Variants in NDST3 observed in about 807,000 individuals in gnomAD.
NDST3 encodes N-deacetylase and N-sulfotransferase 3.
A neutral mutation model predicts 96.1 loss-of-function variants in NDST3; 58 were observed. That is an observed-to-expected ratio of 0.60 (90% CI 0.49 to 0.75). NDST3 has a LOEUF of 0.75. Ranked by LOEUF, NDST3 falls within the 30% of genes least tolerant of loss-of-function variation. The pLI is 0.00. For synonymous variants in NDST3, 333 were observed against 359.7 expected (o/e 0.93, Z 0.84); for missense variants, 788 against 1,034.2 (o/e 0.76, Z 3.27).
Position 118,084,377 on chromosome 4 carries a change from C to T in NDST3, c.982-20641C>T, listed in dbSNP as rs1479795467. ...TTGATTTTTAAAAAAATAGTATCCA[C>T]GATGTGTTAGGCCCAAGCAACTTAT... On this transcript the variant is annotated intron_variant, in intron 2 of 13. Coordinates refer to ENST00000296499, the MANE Select transcript of NDST3 (RefSeq NM_004784.3). Among the ~76,000 whole-genome samples, 63 of 152,276 alleles carry T rather than the reference C, an allele frequency of 4.1e-4. 1 individual carries two copies. Among genetic ancestry groups the T allele is most frequent in the Admixed American group, 3.7e-3 (57 of 15,302 alleles).
chr4:118,212,262 G>T (rs768950225), intron 6 of NDST3, among the ~76,000 whole-genome samples: 5 of 152,202 alleles, frequency 3.3e-5, no homozygotes, highest in Non-Finnish European at 7.3e-5. Flanking sequence ...GTAGAGAAAG[G>T]CCAGGCCTCA....
intron 6 of NDST3, among the ~76,000 whole-genome samples, chr4:118,224,048 A>G (rs1188445856): frequency 1.3e-5 from 2 of 152,164 alleles, no homozygotes; most frequent in Admixed American, 6.5e-5. Context: ...CATGGATTCA[A>G]TCTAGGTCAG....
intron 6 of NDST3, among the ~76,000 whole-genome samples, chr4:118,147,085 A>G (rs1734002707): frequency 6.6e-6 from 1 of 152,206 alleles, no homozygotes; most frequent in South Asian, 2.1e-4. Flanking sequence ...CTCTAATTGT[A>G]TAGACAGTAA....
intron 2 of NDST3, among the ~76,000 whole-genome samples, chr4:118,073,306 CTTCT>C (rs1560623826): frequency 1.3e-5 from 2 of 151,998 alleles, no homozygotes; most frequent in Non-Finnish European, 2.9e-5. Flanking sequence ...GGTACCAGTT[CTTCT>C]TTCTATGTCT....
intron 2 of NDST3, among the ~76,000 whole-genome samples, chr4:118,087,552 C>T (rs1728529085): frequency 6.6e-6 from 1 of 152,068 alleles, no homozygotes; most frequent in African/African-American, 2.4e-5. Context: ...TCCAGATTAT[C>T]CTAGGAATTT....
intron 2 of NDST3, among the ~76,000 whole-genome samples, chr4:118,058,594 A>AGT (rs59628763): frequency 0.026 from 2,125 of 81,004 alleles, 20 homozygotes; most frequent in East Asian, 0.044. Flanking sequence ...AGTCAGGAAA[A>AGT]GTGTGTGTGT....
At chr4:118,043,916 G>C (rs1270778800) in intron 1 of NDST3, among the ~76,000 whole-genome samples, 1 of 152,188 alleles carries the variant, frequency 6.6e-6, no homozygotes, top group Non-Finnish European at 1.5e-5. Flanking sequence ...ACGTGCACTG[G>C]AATTTTTTCT....
chr4:118,232,952 T>G (rs1740404610), intron 8 of NDST3, 60 bp from the exon 9 acceptor site: 1 of 1,497,924 alleles, frequency 6.7e-7, no homozygotes, highest in Non-Finnish European at 9.2e-7. Context: ...CTTTAAAGTG[T>G]TGATCATAGG....
intron 1 of NDST3, among the ~76,000 whole-genome samples, chr4:118,041,427 T>G (rs1325394757): frequency 1.3e-5 from 2 of 152,216 alleles, no homozygotes; most frequent in Admixed American, 1.3e-4. Context: ...TGATGATGTG[T>G]TGACATTTAT....
chr4:118,130,229 T>C (rs1392785297), intron 4 of NDST3, among the ~76,000 whole-genome samples: 3 of 152,054 alleles, frequency 2.0e-5, no homozygotes, highest in African/African-American at 7.2e-5. Context: ...GCCACTTTGT[T>C]ATTTGTTTTC....
intron 10 of NDST3, 68 bp from the exon 11 acceptor site, chr4:118,240,456 A>C: frequency 4.5e-6 from 6 of 1,334,060 alleles, no homozygotes; most frequent in Non-Finnish European, 6.0e-6. Flanking sequence ...GACTTGTCAC[A>C]AAGATTGATT....
rs1474238245 is a variant in NDST3 at position 118,206,074 on chromosome 4, C to T, written c.1540-18417C>T. Among the ~76,000 whole-genome samples the T allele has an allele frequency of 2.8e-5, 4 of 142,892 alleles. 1 individual carries two copies. Among genetic ancestry groups the T allele is most frequent in the South Asian group, 4.8e-4 (2 of 4,208 alleles). 93.7% of individuals were successfully genotyped at this position (142,892 alleles called of 152,430 possible). A position where few individuals can be genotyped will look rare whatever the true frequency, so the allele number is the denominator to read the frequency against. On this transcript the variant is annotated intron_variant, in intron 6 of 13. Coordinates refer to ENST00000296499, the MANE Select transcript of NDST3 (RefSeq NM_004784.3). Reference sequence around the variant, plus strand: ...GTCTCGATCTCCTGACCTCGTGATCCGCCCACCTCGGCCTCCCAAAGTTGG... The same window carrying T: ...GTCTCGATCTCCTGACCTCGTGATCTGCCCACCTCGGCCTCCCAAAGTTGG...
chr4:118,181,919 C>G (rs1736632733), intron 6 of NDST3, among the ~76,000 whole-genome samples: 1 of 152,042 alleles, frequency 6.6e-6, no homozygotes, highest in Non-Finnish European at 1.5e-5. Context: ...CAAAGGTATA[C>G]CTAATAGGTG....
intron 6 of NDST3, among the ~76,000 whole-genome samples, chr4:118,157,486 C>T (rs559984291): frequency 2.4e-4 from 36 of 149,642 alleles, no homozygotes; most frequent in African/African-American, 7.7e-4. Flanking sequence ...AGTGCAGTGG[C>T]GTGATCTCAG....
intron 2 of NDST3, among the ~76,000 whole-genome samples, chr4:118,075,880 C>A (rs1054166898): frequency 1.3e-5 from 2 of 152,138 alleles, no homozygotes; most frequent in African/African-American, 2.4e-5. Context: ...GTTTCTTTTG[C>A]TGTGCAGAAG....
intron 1 of NDST3, among the ~76,000 whole-genome samples, chr4:118,040,841 T>A (rs1435051690): frequency 7.0e-6 from 1 of 143,816 alleles, no homozygotes; most frequent in East Asian, 2.0e-4. Flanking sequence ...CATGTCCAAC[T>A]AATTTATATA....
chr4:118,136,444 T>C (rs916278384), intron 4 of NDST3, among the ~76,000 whole-genome samples: 8 of 152,150 alleles, frequency 5.3e-5, no homozygotes, highest in African/African-American at 1.7e-4. Flanking sequence ...TATGTGTTGA[T>C]AAGGGATGTC....
chr4:118,143,513 G>GA lies in NDST3; in HGVS notation c.1411-33dup, dbSNP rs748642066. On this transcript the variant is annotated intron_variant, in intron 5 of 13. Coordinates refer to ENST00000296499, the MANE Select transcript of NDST3 (RefSeq NM_004784.3). Reference sequence around the variant, plus strand: ...AAGCTAAGTTTCAACAAATTGATTGGAAAAAAAAAAGCTTTTCCTTACTTT... The same window carrying GA: ...AAGCTAAGTTTCAACAAATTGATTGGAAAAAAAAAAAGCTTTTCCTTACTTT... The GA allele has an allele frequency of 4.8e-5, 60 of 1,253,784 alleles. 1 individual carries two copies. The highest frequency in any genetic ancestry group is 3.4e-4 in the African/African-American group (23 of 67,930). 77.7% of individuals were successfully genotyped at this position (1,253,784 alleles called of 1,614,324 possible).
chr4:118,186,112 G>A (rs1408136972), intron 6 of NDST3, among the ~76,000 whole-genome samples: 6 of 152,088 alleles, frequency 3.9e-5, no homozygotes, highest in Non-Finnish European at 8.8e-5. Flanking sequence ...CTGCTTACAG[G>A]AGAAAAACAA....
Sources: gnomAD v4.1 joint callset for allele counts (sites outside exome capture counted in the v4.1 genomes callset) on GRCh38, gnomAD v4.1.1 for gene constraint, MANE v1.5 for transcripts, NCBI Gene and HGNC (gene_info 2026-07-23, HGNC 2026-07-21) for gene names.